The following DELE1 variants were observed in gnomAD, a reference collection of about 807,000 sequenced individuals.
The protein encoded by DELE1 is death ligand signal enhancer.
In DELE1, 54 loss-of-function variants were observed where a neutral mutation model predicts 59.3. The observed-to-expected ratio is 0.91, with a 90% CI of 0.73 to 1.14. The LOEUF (loss-of-function observed/expected upper bound fraction) is 1.14, where lower values mean the gene tolerates loss of function less well. DELE1 is among the 50% of genes most tolerant of loss of function. The pLI is 0.00. For missense variants in DELE1, 636 were observed against 643.9 expected (o/e 0.99, Z 0.13); for synonymous variants, 264 against 259.1 (o/e 1.02, Z -0.18).
At chr5:141,936,824 C>G (rs898778680) in intron 10 of DELE1, 5 of 965,664 alleles carry the variant, frequency 5.2e-6, no homozygotes, top group Non-Finnish European at 4.9e-6. Flanking sequence ...GGGAAGACAA[C>G]CCTCCACCTT....
rs189365309 is a variant in DELE1 at position 141,925,438 on chromosome 5, G to A, written c.175G>A (p.Gly59Arg). 1.9e-5 allele frequency: 30 copies of A among 1,598,840 alleles called. No homozygotes were observed. The highest frequency in any genetic ancestry group is 1.4e-4 in the African/African-American group (10 of 73,970). The change falls in exon 3 of 12, where the codon GGG becomes AGG. Residue 59 changes from glycine (G) to arginine (R), a missense_variant. By Grantham distance (125) the Gly-to-Arg change is moderately radical. Coordinates refer to ENST00000432126, the MANE Select transcript of DELE1 (RefSeq NM_014773.5). ...AGGTCCCCATGGCCCAGGCACGAGC[G>A]GGGGTCCAAGGTCCCATGGATGGAA... Reference protein sequence around the residue: ...RSGPHGPGTSGGPRSHGWKDA... With the variant: ...RSGPHGPGTSRGPRSHGWKDA...
chr5:141,939,652 C>T lies in DELE1; in HGVS notation c.*893C>T. On this transcript the variant is annotated 3_prime_UTR_variant, in exon 12 of 12. Coordinates refer to ENST00000432126, the MANE Select transcript of DELE1 (RefSeq NM_014773.5). ...GAGGCCAGATACCCACCCACCTTCC[C>T]CCAAATCTTAAGCACCTGCGCCAGT... is the stretch of plus-strand genomic sequence containing the variant. 2 of 985,878 alleles carry T rather than the reference C, an allele frequency of 2.0e-6. No individual in the cohort carries two copies. Among genetic ancestry groups the T allele is most frequent in the Non-Finnish European group, 2.4e-6 (2 of 829,962 alleles). 61.1% of individuals were successfully genotyped at this position (985,878 alleles called of 1,614,324 possible).
At chr5:141,936,742 C>A (rs1015092909) in intron 10 of DELE1, 11 of 445,214 alleles carry the variant, frequency 2.5e-5, no homozygotes, top group Admixed American at 6.4e-5. Flanking sequence ...CCAAGCATAG[C>A]TTTTTAAAGG....
rs6888914 is a variant in DELE1 at position 141,929,789 on chromosome 5, T to C, written c.571+49T>C. ...AGCAGAAGGCAGGGGGCGGTGGTGG[T>C]GAGCTGGGCAAGATGGACGTTGTTT... is the stretch of plus-strand genomic sequence containing the variant. On this transcript the variant is annotated intron_variant, in intron 5 of 11. Transcript: ENST00000432126. The C allele has an allele frequency of 0.015, 24,310 of 1,605,344 alleles. 3,154 individuals carry two copies. The African/African-American group carries it at 0.28, about 19-fold the overall frequency.
intron 7 of DELE1, among the ~76,000 whole-genome samples, chr5:141,930,849 A>C (rs1751849300): frequency 6.6e-6 from 1 of 152,112 alleles, no homozygotes; most frequent in African/African-American, 2.4e-5. Context: ...TCTAATGCGG[A>C]GACTCAGACT....
chr5:141,925,167 G>A (rs1751294583), intron 2 of DELE1, among the ~76,000 whole-genome samples: 1 of 151,754 alleles, frequency 6.6e-6, no homozygotes, highest in African/African-American at 2.4e-5. Flanking sequence ...CTGATCTCAT[G>A]ATCTGCCCGC....
chr5:141,940,571 G>C lies in DELE1; in HGVS notation c.*1812G>C. 3 of 985,514 alleles carry C rather than the reference G, an allele frequency of 3.0e-6. No individual in the cohort carries two copies. Among genetic ancestry groups the C allele is most frequent in the Non-Finnish European group, 3.6e-6 (3 of 829,970 alleles). The allele number at this position is 985,514 out of a possible 1,614,324, so 61.0% of individuals were successfully genotyped here. ...ACCCCATCTCTCTCAACTTCTTAGT[G>C]GTCCTGCCATACTTTCCTAGCACCT... On this transcript the variant is annotated 3_prime_UTR_variant, in exon 12 of 12. Coordinates refer to ENST00000432126, the MANE Select transcript of DELE1 (RefSeq NM_014773.5).
intron 11 of DELE1, among the ~76,000 whole-genome samples, chr5:141,938,037 G>C (rs568315563): frequency 6.6e-6 from 1 of 151,720 alleles, no homozygotes; most frequent in Non-Finnish European, 1.5e-5. Flanking sequence ...TGTTGGCCAG[G>C]CTGGTTTTGA....
chr5:141,938,093 T>C (rs965929896), intron 11 of DELE1, among the ~76,000 whole-genome samples: 2 of 152,028 alleles, frequency 1.3e-5, no homozygotes, highest in African/African-American at 4.8e-5. Context: ...CCCAAAGTGC[T>C]GGGATTACAA....
At chr5:141,936,657 A>G (rs1178535890) in intron 10 of DELE1, among the ~76,000 whole-genome samples, 1 of 152,054 alleles carries the variant, frequency 6.6e-6, no homozygotes, top group African/African-American at 2.4e-5. Flanking sequence ...CTGGTCTCCA[A>G]CTCATGACCT....
In DELE1 at chr5:141,937,232, A is replaced by G. The variant is rs1333850695; in HGVS notation, c.1184A>G (p.Tyr395Cys). 5.6e-6 allele frequency: 9 copies of G among 1,614,104 alleles called. No homozygotes were observed. Among genetic ancestry groups the G allele is most frequent in the South Asian group, 1.1e-5 (1 of 91,084 alleles). ...SQSRYHLGIC[Y>C]EKGLGVQRNL... The stretch of plus-strand genomic sequence containing the variant: ...AGCAGGTACCACCTTGGAATTTGCT[A>G]TGAGAAAGGCCTTGGTGTGCAGAGG... Residue 395 changes from tyrosine (Y) to cysteine (C), a missense_variant, in exon 11 of 12, where the codon TAT (tyrosine) becomes TGT (cysteine). Tyr to Cys is a radical substitution (Grantham distance 194). Transcript: ENST00000432126.
chr5:141,924,012 A>G (rs542589326), intron 1 of DELE1, 40 bp downstream of exon 1: 4 of 1,599,180 alleles, frequency 2.5e-6, no homozygotes, highest in Non-Finnish European at 3.4e-6. Flanking sequence ...TCTGGGCCGC[A>G]AAGACCGAAC....
chr5:141,936,937 G>A, intron 10 of DELE1: 2 of 1,258,296 alleles, frequency 1.6e-6, no homozygotes, highest in Non-Finnish European at 2.0e-6. Flanking sequence ...CTTTCAGCCA[G>A]CCTATGCAAG....
chr5:141,928,284 G>A lies in DELE1; in HGVS notation c.398G>A (p.Trp133Ter), dbSNP rs1330858681. The change falls in exon 4 of 12, where the codon TGG (tryptophan) becomes TAG (stop). Residue 133 changes from tryptophan to a stop codon, truncating the protein, a stop_gained. Coordinates refer to ENST00000432126, the MANE Select transcript of DELE1 (RefSeq NM_014773.5). LOFTEE classifies it high-confidence loss of function. ...GACCGTTTCTTCTCATCTCCCTTGT[G>A]GCACCCATGCTCCTGTGAGTTCTCA... ...PLDRFFSSPL[W>*]HPCSSLRQHI... 1 of 1,614,132 alleles carries A rather than the reference G, an allele frequency of 6.2e-7. No homozygotes were observed. Among genetic ancestry groups the A allele is most frequent in the Non-Finnish European group, 8.5e-7 (1 of 1,179,992 alleles).
In DELE1 at chr5:141,934,562, T is replaced by C. The variant is rs1276337826; in HGVS notation, c.1125T>C (p.Tyr375=). Residue 375 remains tyrosine (Y), a synonymous_variant, in exon 10 of 12, where the codon TAT becomes TAC. Coordinates refer to ENST00000432126, the MANE Select transcript of DELE1 (RefSeq NM_014773.5). ...PYLDEQRAVK[Y]LWLAANNGDS... Reference sequence around the variant, plus strand: ...TGGATGAGCAGAGAGCTGTGAAATATCTTTGGCTTGCAGCCAACAATGGGG... The same window carrying C: ...TGGATGAGCAGAGAGCTGTGAAATACCTTTGGCTTGCAGCCAACAATGGGG... 1.2e-6 allele frequency: 2 copies of C among 1,614,258 alleles called. No individual in the cohort carries two copies. The highest frequency in any genetic ancestry group is 1.7e-5 in the Admixed American group (1 of 60,032).
chr5:141,929,908 C>G, intron 5 of DELE1, 81 bp from the exon 6 acceptor site: 4 of 1,534,990 alleles, frequency 2.6e-6, no homozygotes, highest in Non-Finnish European at 3.6e-6. Context: ...GGCTGGAAAG[C>G]CTGGGTAGAC....
At chr5:141,927,528 A>C (rs1482483610) in intron 3 of DELE1, among the ~76,000 whole-genome samples, 1 of 152,202 alleles carries the variant, frequency 6.6e-6, no homozygotes, top group East Asian at 1.9e-4. Context: ...ATAAGGAGAG[A>C]CAGGAGACAG....
In DELE1 at chr5:141,938,786, C is replaced by G. The variant is rs772298229; in HGVS notation, c.*27C>G. On this transcript the variant is annotated 3_prime_UTR_variant, in exon 12 of 12. Transcript: ENST00000432126. ...GTGAGATAAAACATAGTCCCTGGTG[C>G]CTCTTAGGGGCCAGAGCGGGCAGGA... 1.9e-6 allele frequency: 3 copies of G among 1,588,860 alleles called. No homozygotes were observed. The East Asian group carries it at 6.8e-5, about 36-fold the overall frequency.
At chr5:141,924,230 AT>A (rs1302458008) in intron 1 of DELE1, among the ~76,000 whole-genome samples, 8 of 152,170 alleles carry the variant, frequency 5.3e-5, no homozygotes, top group Admixed American at 5.2e-4. Flanking sequence ...GGTGGACTGA[AT>A]GAATGAAAGA....
Sources: gnomAD v4.1 joint callset for allele counts (sites outside exome capture counted in the v4.1 genomes callset) on GRCh38, gnomAD v4.1.1 for gene constraint, MANE v1.5 for transcripts, NCBI Gene and HGNC (gene_info 2026-07-23, HGNC 2026-07-21) for gene names.